The following ATP8A2 variants were observed in gnomAD, a reference collection of about 807,000 sequenced individuals.
The protein encoded by ATP8A2 is ATPase phospholipid transporting 8A2, also known as phospholipid-transporting ATPase IB.
A neutral mutation model predicts 165.6 loss-of-function variants in ATP8A2; 100 were observed. The observed-to-expected ratio is 0.60, with a 90% confidence interval of 0.51 to 0.71. The LOEUF (loss-of-function observed/expected upper bound fraction) is 0.71. ATP8A2 is among the 30% of genes least tolerant of loss of function. The pLI is 0.00. For synonymous variants in ATP8A2, 543 were observed against 548.8 expected (o/e 0.99, Z 0.15); for missense variants, 1,227 against 1,479.5 (o/e 0.83, Z 2.80).
At chr13:25,672,176 C>G (rs957523958) in intron 24 of ATP8A2, among the ~76,000 whole-genome samples, 3 of 151,612 alleles carry the variant, frequency 2.0e-5, no homozygotes, top group Admixed American at 2.0e-4. Flanking sequence ...CTGCCTGTCT[C>G]TCATATGTTT....
chr13:25,637,453 G>A (rs1273200566), intron 24 of ATP8A2, among the ~76,000 whole-genome samples: 1 of 152,208 alleles, frequency 6.6e-6, no homozygotes, highest in Non-Finnish European at 1.5e-5. Context: ...GGCACACAAG[G>A]AGATTATATC....
intron 2 of ATP8A2, among the ~76,000 whole-genome samples, chr13:25,488,135 G>A (rs1404155101): frequency 6.6e-6 from 1 of 152,128 alleles, no homozygotes; most frequent in East Asian, 1.9e-4. Flanking sequence ...GGGTAGGCTT[G>A]TTGCTCTTTT....
At chr13:25,548,461 G>T (rs1400169857) in intron 10 of ATP8A2, among the ~76,000 whole-genome samples, 1 of 152,150 alleles carries the variant, frequency 6.6e-6, no homozygotes, top group Non-Finnish European at 1.5e-5. Context: ...AATAAATGGG[G>T]TATAGAAATG....
chr13:25,866,292 C>T (rs1952507502), intron 33 of ATP8A2, among the ~76,000 whole-genome samples: 1 of 152,110 alleles, frequency 6.6e-6, no homozygotes, highest in Admixed American at 6.6e-5. Context: ...TCCTAATCAG[C>T]AAAGTCAGAA....
intron 1 of ATP8A2, among the ~76,000 whole-genome samples, chr13:25,423,361 C>A (rs1226837574): frequency 1.3e-5 from 2 of 152,172 alleles, no homozygotes; most frequent in Admixed American, 1.3e-4. Flanking sequence ...TGTACCAAGG[C>A]AATGAAATGA....
intron 33 of ATP8A2, among the ~76,000 whole-genome samples, chr13:25,947,937 C>T (rs1955255574): frequency 6.6e-6 from 1 of 152,070 alleles, no homozygotes; most frequent in South Asian, 2.1e-4. Context: ...ATCATGCTTG[C>T]CACTGCCTGA....
At chr13:25,635,632 C>G (rs1251545861) in intron 24 of ATP8A2, among the ~76,000 whole-genome samples, 1 of 152,140 alleles carries the variant, frequency 6.6e-6, no homozygotes, top group Non-Finnish European at 1.5e-5. Context: ...GGAATGCTGT[C>G]TGTTGGAGGC....
At chr13:25,503,922 A>C (rs879208258) in intron 2 of ATP8A2, among the ~76,000 whole-genome samples, 2 of 152,136 alleles carry the variant, frequency 1.3e-5, no homozygotes, top group African/African-American at 2.4e-5. Flanking sequence ...TTTAAAAAAA[A>C]CTTCTCCAGT....
intron 24 of ATP8A2, among the ~76,000 whole-genome samples, chr13:25,601,171 T>C (rs1015952669): frequency 2.6e-5 from 4 of 152,210 alleles, no homozygotes; most frequent in Admixed American, 2.0e-4. Context: ...AAACTCCTGC[T>C]TTCTGTACTT....
chr13:25,597,749 T>C (rs1436653498), intron 24 of ATP8A2, among the ~76,000 whole-genome samples: 1 of 152,172 alleles, frequency 6.6e-6, no homozygotes, highest in Admixed American at 6.5e-5. Context: ...TTATGAGAAA[T>C]TGAGATGATA....
chr13:26,000,029 G>A (rs1465915052), intron 35 of ATP8A2, among the ~76,000 whole-genome samples: 4 of 152,190 alleles, frequency 2.6e-5, no homozygotes, highest in Admixed American at 1.3e-4. Flanking sequence ...CTTGAGCCCC[G>A]AAGGTTTTCA....
At chr13:25,451,498 C>G (rs2138238477) in intron 1 of ATP8A2, among the ~76,000 whole-genome samples, 1 of 152,234 alleles carries the variant, frequency 6.6e-6, no homozygotes, top group South Asian at 2.1e-4. Context: ...AGTGGAATGG[C>G]TAGTCTATAC....
At chr13:25,757,006 C>T (rs2044277054) in intron 25 of ATP8A2, among the ~76,000 whole-genome samples, 1 of 152,130 alleles carries the variant, frequency 6.6e-6, no homozygotes, top group Non-Finnish European at 1.5e-5. Flanking sequence ...TCGTTCCCCA[C>T]CCTTCCCCCT....
intron 35 of ATP8A2, among the ~76,000 whole-genome samples, chr13:25,978,371 C>T (rs1233300638): frequency 6.6e-6 from 1 of 152,156 alleles, no homozygotes; most frequent in East Asian, 1.9e-4. Flanking sequence ...TGCCTACCTC[C>T]AACTGTGACT....
intron 25 of ATP8A2, among the ~76,000 whole-genome samples, chr13:25,715,268 A>G (rs1263275105): frequency 3.9e-5 from 6 of 152,314 alleles, no homozygotes; most frequent in East Asian, 3.9e-4. Flanking sequence ...CCTCAGTGCA[A>G]TGTGAAACCT....
At chr13:25,991,225 G>A (rs771582755) in intron 35 of ATP8A2, among the ~76,000 whole-genome samples, 24 of 152,266 alleles carry the variant, frequency 1.6e-4, no homozygotes, top group Non-Finnish European at 2.8e-4. Flanking sequence ...TGAAATAAAA[G>A]GGAATAGAAG....
intron 4 of ATP8A2, among the ~76,000 whole-genome samples, chr13:25,531,343 A>C (rs1177205858): frequency 7.3e-6 from 1 of 137,758 alleles, no homozygotes; most frequent in African/African-American, 2.8e-5. Context: ...TATGTTATAT[A>C]TGATATATAT....
chr13:25,801,697 TA>T (rs1237218137), intron 27 of ATP8A2, among the ~76,000 whole-genome samples: 5 of 152,130 alleles, frequency 3.3e-5, no homozygotes, highest in South Asian at 2.1e-4. Context: ...ATTTAAATAT[TA>T]AAAATATGAT....
chr13:25,717,994 C>A (rs1446298331), intron 25 of ATP8A2, among the ~76,000 whole-genome samples: 1 of 152,134 alleles, frequency 6.6e-6, no homozygotes, highest in Non-Finnish European at 1.5e-5. Flanking sequence ...GAAACAATCT[C>A]CTATGCAAGT....
Sources: gnomAD v4.1 joint callset for allele counts (sites outside exome capture counted in the v4.1 genomes callset) on GRCh38, gnomAD v4.1.1 for gene constraint, MANE v1.5 for transcripts, NCBI Gene and HGNC (gene_info 2026-07-23, HGNC 2026-07-21) for gene names.